The following IGFBP7 variants were observed in gnomAD, a reference collection of about 807,000 sequenced individuals.
IGFBP7 encodes the protein insulin-like growth factor-binding protein 7.
A neutral mutation model predicts 29.4 loss-of-function variants in IGFBP7; 31 were observed. The ratio of observed to expected loss-of-function variants is 1.05; its 90% CI spans 0.79 to 1.42. The LOEUF (loss-of-function observed/expected upper bound fraction) is 1.42. Ranked by LOEUF, IGFBP7 falls within the 40% of genes most tolerant of loss-of-function variation. IGFBP7 has a pLI of 0.00. For missense variants in IGFBP7, 393 were observed against 395.5 expected (o/e 0.99, Z 0.05); for synonymous variants, 172 against 174.9 (o/e 0.98, Z 0.13).
intron 1 of IGFBP7, among the ~76,000 whole-genome samples, chr4:57,095,770 C>G (rs1393761282): frequency 3.9e-5 from 6 of 152,086 alleles, no homozygotes; most frequent in Non-Finnish European, 5.9e-5. Flanking sequence ...TCGGAAAGGC[C>G]TCAGCCAAGT....
chr4:57,066,182 T>G (rs1439500558), intron 1 of IGFBP7, among the ~76,000 whole-genome samples: 3 of 152,212 alleles, frequency 2.0e-5, no homozygotes, highest in Admixed American at 6.5e-5. Flanking sequence ...GGTGACGCAC[T>G]TGAATAAAAT....
At chr4:57,048,153 G>A (rs1323224598) in intron 1 of IGFBP7, among the ~76,000 whole-genome samples, 9 of 150,810 alleles carry the variant, frequency 6.0e-5, no homozygotes, top group Non-Finnish European at 1.2e-4. Flanking sequence ...CTGGGCTCAC[G>A]CCATTCTCCT....
At chr4:57,087,497 G>T (rs1725525688) in intron 1 of IGFBP7, among the ~76,000 whole-genome samples, 1 of 152,164 alleles carries the variant, frequency 6.6e-6, no homozygotes, top group Non-Finnish European at 1.5e-5. Context: ...TTTGGTTCTG[G>T]CTAATGTTAT....
intron 1 of IGFBP7, among the ~76,000 whole-genome samples, chr4:57,042,574 C>T (rs1169072346): frequency 1.3e-5 from 2 of 152,194 alleles, no homozygotes; most frequent in Non-Finnish European, 2.9e-5. Flanking sequence ...TCTCGAACCC[C>T]TGAGCTCAAG....
chr4:57,034,806 A>AT (rs964493267), intron 2 of IGFBP7, among the ~76,000 whole-genome samples: 4 of 151,834 alleles, frequency 2.6e-5, no homozygotes, highest in African/African-American at 7.3e-5. Context: ...GGCTTTTTGC[A>AT]TTTTTTTTCT....
intron 1 of IGFBP7, among the ~76,000 whole-genome samples, chr4:57,048,994 G>GT (rs1458802843): frequency 6.6e-6 from 1 of 152,182 alleles, no homozygotes; most frequent in African/African-American, 2.4e-5. Flanking sequence ...GGACATAGAT[G>GT]TCAAAGATGC....
intron 2 of IGFBP7, among the ~76,000 whole-genome samples, chr4:57,036,778 A>T (rs1490957137): frequency 6.6e-6 from 1 of 152,196 alleles, no homozygotes; most frequent in East Asian, 1.9e-4. Context: ...GTTGCTAAGA[A>T]TCCTTGAGCA....
intron 1 of IGFBP7, among the ~76,000 whole-genome samples, chr4:57,060,134 A>C (rs745905250): frequency 4.7e-4 from 71 of 152,220 alleles, no homozygotes; most frequent in African/African-American, 1.2e-3. Flanking sequence ...AAACAGGCGA[A>C]GTGCAACTGG....
chr4:57,038,343 C>T (rs1724133783), intron 2 of IGFBP7, among the ~76,000 whole-genome samples: 1 of 152,200 alleles, frequency 6.6e-6, no homozygotes, highest in East Asian at 1.9e-4. Flanking sequence ...GCATAGGAAG[C>T]TTTCTGAAGC....
At chr4:57,068,784 G>C (rs1724982563) in intron 1 of IGFBP7, among the ~76,000 whole-genome samples, 1 of 152,188 alleles carries the variant, frequency 6.6e-6, no homozygotes, top group Non-Finnish European at 1.5e-5. Context: ...AAGGAGAAAG[G>C]GACAGATTGT....
chr4:57,063,377 A>G (rs1724843093), intron 1 of IGFBP7, among the ~76,000 whole-genome samples: 1 of 152,236 alleles, frequency 6.6e-6, no homozygotes, highest in Admixed American at 6.5e-5. Context: ...GCTAAGGACC[A>G]GTCAATTGAT....
At chr4:57,068,818 A>G (rs762601960) in intron 1 of IGFBP7, among the ~76,000 whole-genome samples, 7 of 152,174 alleles carry the variant, frequency 4.6e-5, no homozygotes, top group African/African-American at 7.2e-5. Context: ...ACATGGGCTC[A>G]TGCCCTCAAA....
At chr4:57,088,814 G>A (rs184682722) in intron 1 of IGFBP7, among the ~76,000 whole-genome samples, 13 of 152,100 alleles carry the variant, frequency 8.5e-5, no homozygotes, top group Non-Finnish European at 1.5e-4. Flanking sequence ...GGATCATCTG[G>A]AGGTCAGGAG....
intron 1 of IGFBP7, 52 bp downstream of exon 1, chr4:57,109,825 C>T: frequency 6.6e-7 from 1 of 1,505,668 alleles, no homozygotes. Context: ...TCGGATGTGC[C>T]CTTCGCTGGG....
chr4:57,068,769 T>A (rs1446640233), intron 1 of IGFBP7, among the ~76,000 whole-genome samples: 1 of 152,210 alleles, frequency 6.6e-6, no homozygotes, highest in Non-Finnish European at 1.5e-5. Context: ...GGAAACCGGA[T>A]ATACAAGGAG....
At chr4:57,093,698 A>G (rs1205256987) in intron 1 of IGFBP7, among the ~76,000 whole-genome samples, 2 of 152,094 alleles carry the variant, frequency 1.3e-5, no homozygotes, top group Non-Finnish European at 2.9e-5. Context: ...AGCATTTACT[A>G]AGGTATTTAA....
chr4:57,055,898 A>C (rs2109760305), intron 1 of IGFBP7, among the ~76,000 whole-genome samples: 1 of 152,216 alleles, frequency 6.6e-6, no homozygotes, highest in South Asian at 2.1e-4. Context: ...GGTTGAATAA[A>C]GGGATCTCTG....
At chr4:57,058,456 C>T (rs893870194) in intron 1 of IGFBP7, among the ~76,000 whole-genome samples, 2 of 152,148 alleles carry the variant, frequency 1.3e-5, no homozygotes, top group African/African-American at 4.8e-5. Context: ...CGCCTACAAC[C>T]ATCTGATCTT....
chr4:57,051,360 G>A (rs111271442), intron 1 of IGFBP7, among the ~76,000 whole-genome samples: 19 of 152,230 alleles, frequency 1.2e-4, no homozygotes, highest in African/African-American at 3.6e-4. Flanking sequence ...ACTGGCTGAG[G>A]ACAGCAGGGG....
Sources: gnomAD v4.1 joint callset for allele counts (sites outside exome capture counted in the v4.1 genomes callset) on GRCh38, gnomAD v4.1.1 for gene constraint, MANE v1.5 for transcripts, NCBI Gene and HGNC (gene_info 2026-07-23, HGNC 2026-07-21) for gene names.